NPR3: variants seen among roughly 807,000 people sequenced by gnomAD.
NPR3 encodes the protein atrial natriuretic peptide receptor 3.
Under a neutral mutation model 54.5 loss-of-function variants are expected in NPR3, and 34 were observed. The observed-to-expected ratio is 0.62, with a 90% CI of 0.47 to 0.83. The LOEUF is 0.83. Ranked by LOEUF, NPR3 falls within the 40% of genes least tolerant of loss-of-function variation. NPR3 has a pLI of 0.00. For synonymous variants in NPR3, 289 were observed against 297.1 expected, an observed-to-expected ratio of 0.97 and a Z score of 0.28; for missense variants, 674 against 720.8, an observed-to-expected ratio of 0.94 and a Z score of 0.74.
intron 1 of NPR3, among the ~76,000 whole-genome samples, chr5:32,699,402 T>C (rs1393326965): frequency 1.3e-5 from 2 of 152,190 alleles, no homozygotes; most frequent in Non-Finnish European, 2.9e-5. Flanking sequence ...AATTAATCCA[T>C]CATCTAGGTT....
chr5:32,764,830 A>T (rs1484472770), intron 3 of NPR3, among the ~76,000 whole-genome samples: 54 of 147,676 alleles, frequency 3.7e-4, no homozygotes, highest in Non-Finnish European at 9.0e-5. Flanking sequence ...TTTGTCCAGG[A>T]TATAGAATTA....
At chr5:32,714,386 AGT>A (rs1487572069) in intron 1 of NPR3, among the ~76,000 whole-genome samples, 2 of 144,818 alleles carry the variant, frequency 1.4e-5, no homozygotes, top group Admixed American at 1.4e-4. Context: ...GGCGGACAGC[AGT>A]GCCCTGGTGG....
In NPR3 at chr5:32,787,221, T is replaced by A. The variant is rs973400702; in HGVS notation, c.*876T>A. On this transcript the variant is annotated 3_prime_UTR_variant, in exon 8 of 8. Transcript: ENST00000265074. ...CTCTTTTTCTCCCTGTTTCCCTTTT[T>A]CCCTTGGCCACAGCCAAATGCTAAT... The A allele has an allele frequency of 6.6e-6, 1 of 152,616 alleles. No individual in the cohort carries two copies. Among genetic ancestry groups the A allele is most frequent in the African/African-American group, 2.4e-5 (1 of 41,452 alleles). 9.5% of individuals were successfully genotyped at this position (152,616 alleles called of 1,614,324 possible).
Position 32,789,769 on chromosome 5 carries a change from T to A in NPR3, c.*3424T>A, listed in dbSNP as rs753460972. On this transcript the variant is annotated 3_prime_UTR_variant, in exon 8 of 8. Transcript: ENST00000265074. The stretch of plus-strand genomic sequence containing the variant: ...AATGAGATGAAGGCCATTGCATAGA[T>A]CTCATGCAGATAGTGATGGATTCAG... 5 of 528,834 alleles carry A rather than the reference T, an allele frequency of 9.5e-6. No homozygotes were observed. Among genetic ancestry groups the A allele is most frequent in the Middle Eastern group, 3.2e-4 (1 of 3,136 alleles). 32.8% of individuals were successfully genotyped at this position (528,834 alleles called of 1,614,324 possible). A position where few individuals can be genotyped will look rare whatever the true frequency, so the allele number is the denominator to read the frequency against.
At chr5:32,741,666 A>C (rs1243997739) in intron 3 of NPR3, among the ~76,000 whole-genome samples, 1 of 152,202 alleles carries the variant, frequency 6.6e-6, no homozygotes, top group Non-Finnish European at 1.5e-5. Context: ...TAAATAAATA[A>C]AAATTAGAAT....
chr5:32,728,517 T>G (rs568883214), intron 2 of NPR3, among the ~76,000 whole-genome samples: 8 of 150,852 alleles, frequency 5.3e-5, no homozygotes, highest in Non-Finnish European at 8.9e-5. Flanking sequence ...CAGATTTTAA[T>G]ATCAGGTTCT....
At chr5:32,759,180 ATCTG>A (rs1741013517) in intron 3 of NPR3, among the ~76,000 whole-genome samples, 1 of 152,140 alleles carries the variant, frequency 6.6e-6, no homozygotes, top group African/African-American at 2.4e-5. Flanking sequence ...TGTCTCGTTG[ATCTG>A]TCTAATGTTG....
At chr5:32,783,184 C>A in intron 6 of NPR3, 156 bp downstream of exon 6, 1 of 571,972 alleles carries the variant, frequency 1.7e-6, no homozygotes, top group Non-Finnish European at 2.9e-6. Flanking sequence ...CACAAACTGG[C>A]ATCTTTCAGG....
intron 1 of NPR3, among the ~76,000 whole-genome samples, chr5:32,701,530 T>G (rs1418968520): frequency 2.0e-5 from 3 of 152,232 alleles, no homozygotes; most frequent in Non-Finnish European, 4.4e-5. Flanking sequence ...TTAGTTCATT[T>G]GGTGAGGTCA....
chr5:32,711,508 T>C lies in NPR3; in HGVS notation c.-269T>C. On this transcript the variant is annotated 5_prime_UTR_variant, in exon 1 of 8. Coordinates refer to ENST00000265074, the MANE Select transcript of NPR3 (RefSeq NM_001204375.2). Reference sequence around the variant, plus strand: ...GAGGGCGAATATATACAAGTATATATATATGTATATTACAGACGCACAGGT... The same window carrying C: ...GAGGGCGAATATATACAAGTATATACATATGTATATTACAGACGCACAGGT... The C allele has an allele frequency of 8.5e-7, 1 of 1,173,140 alleles. No individual in the cohort carries two copies. The highest frequency in any genetic ancestry group is 4.5e-5 in the Admixed American group (1 of 22,380). The allele number at this position is 1,173,140 out of a possible 1,614,324, so 72.7% of individuals were successfully genotyped here. A position where few individuals can be genotyped will look rare whatever the true frequency, so the allele number is the denominator to read the frequency against.
At position 32,711,651 on chromosome 5, in the gene NPR3, A is replaced by G. The variant is rs914809421; in HGVS notation, c.-126A>G. 1.6e-6 allele frequency: 2 copies of G among 1,282,270 alleles called. No individual in the cohort carries two copies. Among genetic ancestry groups the G allele is most frequent in the African/African-American group, 1.6e-5 (1 of 62,844 alleles). 79.4% of individuals were successfully genotyped at this position (1,282,270 alleles called of 1,614,324 possible). Reference sequence around the variant, plus strand: ...GGCGCATTAGTGAAGGGGGTATTCTATTTTGTTAAAGCGCCCAAGGGGGCG... The same window carrying G: ...GGCGCATTAGTGAAGGGGGTATTCTGTTTTGTTAAAGCGCCCAAGGGGGCG... On this transcript the variant is annotated 5_prime_UTR_variant, in exon 1 of 8. Transcript: ENST00000265074.
chr5:32,766,681 C>T (rs1479869194), intron 3 of NPR3, among the ~76,000 whole-genome samples: 1 of 152,108 alleles, frequency 6.6e-6, no homozygotes, highest in Non-Finnish European at 1.5e-5. Context: ...CACTCCAGAA[C>T]AAAGACCCTT....
intron 4 of NPR3, 44 bp downstream of exon 4, chr5:32,774,887 C>G (rs769611142): frequency 6.6e-7 from 1 of 1,506,504 alleles, no homozygotes; most frequent in Non-Finnish European, 9.2e-7. Context: ...GCCAAATGAG[C>G]TGCTGCTTTT....
At chr5:32,703,718 G>A (rs1737894858) in intron 1 of NPR3, among the ~76,000 whole-genome samples, 1 of 152,194 alleles carries the variant, frequency 6.6e-6, no homozygotes, top group Non-Finnish European at 1.5e-5. Context: ...TGGCTGAGCT[G>A]GTAGCCAAAT....
At chr5:32,719,099 T>G (rs1738713555) in intron 1 of NPR3, among the ~76,000 whole-genome samples, 1 of 152,272 alleles carries the variant, frequency 6.6e-6, no homozygotes, top group Non-Finnish European at 1.5e-5. Flanking sequence ...TTTCTGCATC[T>G]ATTGAGATAA....
At chr5:32,710,872 T>TG, upstream of NPR3, 1 of 1,240,890 alleles carries the variant, frequency 8.1e-7, no homozygotes, top group African/African-American at 1.8e-5. Context: ...TTTTTTTTTT[T>TG]TTGCACGGTG....
At chr5:32,701,131 A>T (rs1292943811) in intron 1 of NPR3, among the ~76,000 whole-genome samples, 2 of 152,054 alleles carry the variant, frequency 1.3e-5, no homozygotes, top group African/African-American at 4.8e-5. Flanking sequence ...TTTGATTTGC[A>T]TTTCTCTGAT....
chr5:32,778,240 C>T (rs2112059488), intron 4 of NPR3, among the ~76,000 whole-genome samples: 1 of 152,278 alleles, frequency 6.6e-6, no homozygotes, highest in East Asian at 1.9e-4. Context: ...ATTAGAATCT[C>T]ATTTGTTTAA....
At chr5:32,704,933 G>A (rs1488799815), upstream of NPR3, among the ~76,000 whole-genome samples, 1 of 152,162 alleles carries the variant, frequency 6.6e-6, no homozygotes, top group African/African-American at 2.4e-5. Flanking sequence ...TATGCATGAA[G>A]TTGAAGTGCA....
Sources: allele counts gnomAD v4.1 joint callset (sites outside exome capture counted in the v4.1 genomes callset), GRCh38; gene constraint gnomAD v4.1.1; transcripts MANE v1.5; gene names NCBI Gene and HGNC (gene_info 2026-07-23, HGNC 2026-07-21).